Variants in RPH3A observed in about 807,000 individuals in gnomAD.
RPH3A encodes rabphilin 3A.
RPH3A carries 48 observed loss-of-function variants against 102.2 expected under a neutral mutation model. That is an observed-to-expected ratio of 0.47 (90% CI 0.37 to 0.60). RPH3A has a LOEUF of 0.60. Among genes scored for constraint, RPH3A ranks in the 20% least tolerant of loss-of-function variants. RPH3A has a pLI of 0.00. For synonymous variants in RPH3A, 310 were observed against 324.3 expected (o/e 0.96, Z 0.47); for missense variants, 781 against 910.1 (o/e 0.86, Z 1.83).
chr12:112,656,650 C>G (rs2040014006), intron 1 of RPH3A, among the ~76,000 whole-genome samples: 1 of 152,154 alleles, frequency 6.6e-6, no homozygotes, highest in African/African-American at 2.4e-5. Context: ...TTAGCTCCCA[C>G]TTATTGGTGA....
At chr12:112,821,141 A>T (rs568598009) in intron 2 of RPH3A, among the ~76,000 whole-genome samples, 1 of 152,320 alleles carries the variant, frequency 6.6e-6, no homozygotes, top group East Asian at 1.9e-4. Context: ...GGCAGGAATG[A>T]CCAGGCGGGC....
At chr12:112,770,192 T>A (rs1388063093) in intron 1 of RPH3A, among the ~76,000 whole-genome samples, 1 of 152,218 alleles carries the variant, frequency 6.6e-6, no homozygotes, top group Non-Finnish European at 1.5e-5. Flanking sequence ...AGTTTTTCCC[T>A]ATTACAGACC....
chr12:112,867,571 C>T (rs141680829), intron 7 of RPH3A, among the ~76,000 whole-genome samples: 41 of 152,222 alleles, frequency 2.7e-4, no homozygotes, highest in East Asian at 7.7e-4. Flanking sequence ...CAAGGGTTGG[C>T]GAGTCACCCT....
intron 1 of RPH3A, among the ~76,000 whole-genome samples, chr12:112,742,896 T>C (rs1424284078): frequency 2.0e-5 from 3 of 152,200 alleles, no homozygotes; most frequent in African/African-American, 7.2e-5. Context: ...AGGGCTGTGT[T>C]CCTCCTGGAA....
At chr12:112,712,925 C>CTTCTGCTTCT (rs1565856803) in intron 1 of RPH3A, among the ~76,000 whole-genome samples, 5 of 94,528 alleles carry the variant, frequency 5.3e-5, no homozygotes, top group African/African-American at 1.8e-4. Context: ...CTTCTTCTTC[C>CTTCTGCTTCT]TCTTCTTCTT....
intron 1 of RPH3A, among the ~76,000 whole-genome samples, chr12:112,782,645 C>T (rs1228284841): frequency 6.6e-6 from 1 of 152,214 alleles, no homozygotes; most frequent in Non-Finnish European, 1.5e-5. Flanking sequence ...GTATTTCTCT[C>T]TTCCCAGGGA....
chr12:112,809,242 G>C (rs943795299), intron 2 of RPH3A, among the ~76,000 whole-genome samples: 3 of 152,176 alleles, frequency 2.0e-5, no homozygotes, highest in African/African-American at 4.8e-5. Context: ...TGTTTGGTAT[G>C]TCAGTGGGGA....
chr12:112,747,996 G>A (rs772383084), intron 1 of RPH3A, among the ~76,000 whole-genome samples: 3 of 152,188 alleles, frequency 2.0e-5, no homozygotes, highest in Non-Finnish European at 4.4e-5. Flanking sequence ...AGACACACAT[G>A]CCTTCAACTC....
At chr12:112,865,012 G>A (rs1458851025) in intron 5 of RPH3A, among the ~76,000 whole-genome samples, 2 of 152,196 alleles carry the variant, frequency 1.3e-5, no homozygotes, top group Non-Finnish European at 2.9e-5. Context: ...GAGTAGCCAA[G>A]ATGAAAAGTT....
At chr12:112,826,093 A>G (rs2041865992) in intron 2 of RPH3A, among the ~76,000 whole-genome samples, 1 of 142,672 alleles carries the variant, frequency 7.0e-6, no homozygotes, top group Admixed American at 6.8e-5. Flanking sequence ...AGCTCTCCCT[A>G]CACCGACCCC....
intron 2 of RPH3A, among the ~76,000 whole-genome samples, chr12:112,815,944 C>G (rs936038789): frequency 6.6e-6 from 1 of 152,180 alleles, no homozygotes; most frequent in African/African-American, 2.4e-5. Context: ...CTGGACCATG[C>G]AGGGAGCCCT....
At chr12:112,836,968 C>G (rs898429767) in intron 4 of RPH3A, among the ~76,000 whole-genome samples, 1 of 152,210 alleles carries the variant, frequency 6.6e-6, no homozygotes, top group Admixed American at 6.5e-5. Flanking sequence ...ATCCTGATTT[C>G]CCAGCAAAAC....
At chr12:112,658,854 C>T (rs536896577) in intron 1 of RPH3A, among the ~76,000 whole-genome samples, 4 of 152,144 alleles carry the variant, frequency 2.6e-5, no homozygotes, top group African/African-American at 9.7e-5. Flanking sequence ...GATTAATTGA[C>T]CTTCCAGGCC....
intron 1 of RPH3A, among the ~76,000 whole-genome samples, chr12:112,697,078 C>G (rs2040358086): frequency 6.6e-6 from 1 of 152,058 alleles, no homozygotes; most frequent in African/African-American, 2.4e-5. Context: ...AATATGGGAG[C>G]AAGCAAGATT....
chr12:112,624,691 C>T (rs1409553493), intron 1 of RPH3A, among the ~76,000 whole-genome samples: 3 of 144,072 alleles, frequency 2.1e-5, no homozygotes, highest in Non-Finnish European at 4.6e-5. Flanking sequence ...AGGGAATCCT[C>T]CCTAACTCAT....
intron 1 of RPH3A, among the ~76,000 whole-genome samples, chr12:112,596,243 G>A (rs2039515198): frequency 6.6e-6 from 1 of 152,148 alleles, no homozygotes. Context: ...CTGGACTCAA[G>A]TGACCCTCCT....
chr12:112,683,692 C>T (rs1296058424), intron 1 of RPH3A, among the ~76,000 whole-genome samples: 2 of 152,110 alleles, frequency 1.3e-5, no homozygotes, highest in Non-Finnish European at 2.9e-5. Context: ...AAAGATGGGG[C>T]AATTATTTCA....
chr12:112,690,086 G>A (rs17825200), intron 1 of RPH3A, among the ~76,000 whole-genome samples: 4,683 of 152,270 alleles, frequency 0.031, 90 homozygotes, highest in Middle Eastern at 0.082. Flanking sequence ...CCCATTTAAT[G>A]TTATAAACGA....
intron 1 of RPH3A, among the ~76,000 whole-genome samples, chr12:112,738,120 T>C (rs953643157): frequency 6.6e-6 from 1 of 152,186 alleles, no homozygotes; most frequent in Admixed American, 6.5e-5. Context: ...ATCTCTGCCT[T>C]TATCATCACG....
Sources: allele counts gnomAD v4.1 joint callset (sites outside exome capture counted in the v4.1 genomes callset), GRCh38; gene constraint gnomAD v4.1.1; transcripts MANE v1.5; gene names NCBI Gene and HGNC (gene_info 2026-07-23, HGNC 2026-07-21).